Variants in SGCZ observed in about 807,000 individuals in gnomAD.
SGCZ encodes zeta-sarcoglycan.
Under a neutral mutation model 41.3 loss-of-function variants are expected in SGCZ, and 40 were observed. The observed-to-expected ratio is 0.97, with a 90% CI of 0.75 to 1.26. SGCZ has a LOEUF of 1.26. Among genes scored for constraint, SGCZ ranks in the 50% most tolerant of loss-of-function variants. SGCZ has a pLI of 0.00. For missense variants in SGCZ, 552 were observed against 369.8 expected, an observed-to-expected ratio of 1.49 and a Z score of -4.04; for synonymous variants, 206 against 137.5, an observed-to-expected ratio of 1.50 and a Z score of -3.49.
intron 1 of SGCZ, among the ~76,000 whole-genome samples, chr8:14,943,745 A>G (rs1481320384): frequency 6.6e-6 from 1 of 152,102 alleles, no homozygotes; most frequent in East Asian, 1.9e-4. Context: ...TTCACCCTCA[A>G]GTAGGCCCTG....
At chr8:14,416,701 T>C (rs1271197928) in intron 2 of SGCZ, among the ~76,000 whole-genome samples, 2 of 151,908 alleles carry the variant, frequency 1.3e-5, no homozygotes, top group Non-Finnish European at 2.9e-5. Flanking sequence ...AGAAATAGTT[T>C]ACTGTAGGAA....
intron 2 of SGCZ, among the ~76,000 whole-genome samples, chr8:14,467,771 C>T (rs1801094341): frequency 6.6e-6 from 1 of 151,988 alleles, no homozygotes; most frequent in African/African-American, 2.4e-5. Flanking sequence ...ATATAACACT[C>T]CTAGAGCAAG....
chr8:14,639,829 G>A (rs1320710288), intron 1 of SGCZ, among the ~76,000 whole-genome samples: 1 of 151,158 alleles, frequency 6.6e-6, no homozygotes, highest in Admixed American at 6.6e-5. Context: ...ATGAGTTAAT[G>A]TGATTCCAGC....
At chr8:14,829,751 G>GTT (rs58825277) in intron 1 of SGCZ, among the ~76,000 whole-genome samples, 6 of 151,764 alleles carry the variant, frequency 4.0e-5, no homozygotes, top group African/African-American at 1.2e-4. Context: ...TTATTTAAGG[G>GTT]TTTTTTTAAA....
intron 1 of SGCZ, among the ~76,000 whole-genome samples, chr8:15,187,283 T>C (rs1299154309): frequency 6.6e-6 from 1 of 152,094 alleles, no homozygotes; most frequent in Non-Finnish European, 1.5e-5. Flanking sequence ...TAACACAAAA[T>C]GGTTATATAA....
At chr8:14,585,053 T>G (rs149350536) in intron 1 of SGCZ, among the ~76,000 whole-genome samples, 2 of 152,278 alleles carry the variant, frequency 1.3e-5, no homozygotes, top group African/African-American at 2.4e-5. Context: ...ATGAGGATGC[T>G]TCAAGGTCAC....
At chr8:14,243,925 T>C (rs1458558470) in intron 3 of SGCZ, among the ~76,000 whole-genome samples, 1 of 152,210 alleles carries the variant, frequency 6.6e-6, no homozygotes, top group East Asian at 1.9e-4. Flanking sequence ...AACTGAACTG[T>C]CCTGAAAACA....
At chr8:15,047,384 T>C (rs1158736311) in intron 1 of SGCZ, among the ~76,000 whole-genome samples, 2 of 152,098 alleles carry the variant, frequency 1.3e-5, no homozygotes, top group African/African-American at 4.8e-5. Flanking sequence ...ATCACTTTTC[T>C]GAATTTTTCT....
intron 1 of SGCZ, among the ~76,000 whole-genome samples, chr8:14,797,162 G>C (rs1801160340): frequency 1.4e-5 from 1 of 71,664 alleles, no homozygotes; most frequent in Admixed American, 2.0e-4. Flanking sequence ...GGCAGGGGTG[G>C]GGACAGTTTG....
At chr8:14,207,151 A>ATTCTGTTT in intron 4 of SGCZ, among the ~76,000 whole-genome samples, 1 of 151,230 alleles carries the variant, frequency 6.6e-6, no homozygotes, top group East Asian at 1.9e-4. Context: ...GATGGTGGCT[A>ATTCTGTTT]TTCTTTTTTG....
In SGCZ at chr8:14,590,498, TATTA is replaced by T. The variant is rs547931446; in HGVS notation, c.40-35576_40-35573del. Reference sequence around the variant, plus strand: ...CAAGTTCTTTTACTCAGATACGTGATATTAATTCTTTAAAATTATGTTTTTTATT... The same window carrying T: ...CAAGTTCTTTTACTCAGATACGTGATATTCTTTAAAATTATGTTTTTTATT... On this transcript the variant is annotated intron_variant, in intron 1 of 7. Transcript: ENST00000382080. 2.0e-5 allele frequency among the ~76,000 whole-genome samples: 3 copies of T among 151,548 alleles called. No homozygotes were observed. The South Asian group carries it at 6.2e-4, about 31-fold the overall frequency.
chr8:14,159,337 A>T (rs1803972793), intron 5 of SGCZ, among the ~76,000 whole-genome samples: 1 of 152,142 alleles, frequency 6.6e-6, no homozygotes, highest in African/African-American at 2.4e-5. Flanking sequence ...ATTTTCAAGA[A>T]GTTTTGCTTT....
At position 14,519,106 on chromosome 8, in the gene SGCZ, G is replaced by C. The variant is rs561818903; in HGVS notation, c.234+35626C>G. 2.7e-5 allele frequency among the ~76,000 whole-genome samples: 4 copies of C among 150,664 alleles called. No individual in the cohort carries two copies. In the South Asian group the frequency reaches 8.4e-4, roughly 32 times the overall value. ...AAAAAGACAGAGATATATAGTGCCT[G>C]CATTTTCTTCATGATTTTAGTTCTT... On this transcript the variant is annotated intron_variant, in intron 2 of 7. Transcript: ENST00000382080.
chr8:14,741,544 T>G (rs1333385153), intron 1 of SGCZ, among the ~76,000 whole-genome samples: 1 of 152,092 alleles, frequency 6.6e-6, no homozygotes, highest in African/African-American at 2.4e-5. Context: ...AAAATAAGTA[T>G]TTACATTCAA....
intron 2 of SGCZ, among the ~76,000 whole-genome samples, chr8:14,357,725 A>C (rs1803348026): frequency 6.6e-6 from 1 of 152,200 alleles, no homozygotes; most frequent in Non-Finnish European, 1.5e-5. Flanking sequence ...CAACGTTAGC[A>C]AATGGGTAAC....
chr8:14,105,102 G>A (rs920563838), intron 6 of SGCZ, among the ~76,000 whole-genome samples: 2 of 151,928 alleles, frequency 1.3e-5, no homozygotes, highest in South Asian at 4.1e-4. Context: ...TTATGTCTTT[G>A]TTAACTATTT....
At chr8:14,331,456 G>T (rs549432322) in intron 2 of SGCZ, among the ~76,000 whole-genome samples, 34 of 152,060 alleles carry the variant, frequency 2.2e-4, no homozygotes, top group Admixed American at 2.0e-3. Context: ...TTGATGGCCT[G>T]CTTTATATGT....
chr8:14,199,914 A>T (rs1359821154), intron 4 of SGCZ, among the ~76,000 whole-genome samples: 2 of 152,334 alleles, frequency 1.3e-5, no homozygotes, highest in East Asian at 3.9e-4. Context: ...ATAAAATTTG[A>T]TACTAGTTTT....
intron 3 of SGCZ, among the ~76,000 whole-genome samples, chr8:14,279,103 A>C (rs759569243): frequency 2.6e-5 from 4 of 152,094 alleles, no homozygotes; most frequent in Non-Finnish European, 5.9e-5. Context: ...TTACCATCTT[A>C]GGTTGAATTC....
Sources: allele counts gnomAD v4.1 joint callset (sites outside exome capture counted in the v4.1 genomes callset), GRCh38; gene constraint gnomAD v4.1.1; transcripts MANE v1.5; gene names NCBI Gene and HGNC (gene_info 2026-07-23, HGNC 2026-07-21).